Variants in CDH23 observed in about 807,000 individuals in gnomAD.
The protein encoded by CDH23 is cadherin-23.
A neutral mutation model predicts 317.1 loss-of-function variants in CDH23; 189 were observed. That is an observed-to-expected ratio of 0.60 (90% CI 0.53 to 0.67). The LOEUF is 0.67. CDH23 is among the 30% of genes least tolerant of loss of function. The pLI is 0.00. For synonymous variants in CDH23, 1,839 were observed against 1,876.8 expected, an observed-to-expected ratio of 0.98 and a Z score of 0.52; for missense variants, 4,401 against 4,592.4, an observed-to-expected ratio of 0.96 and a Z score of 1.20.
intron 38 of CDH23, among the ~76,000 whole-genome samples, chr10:71,774,123 C>A (rs1357919410): frequency 6.6e-6 from 1 of 152,006 alleles, no homozygotes; most frequent in African/African-American, 2.4e-5. Context: ...AAGATCAGCA[C>A]ATCCCTACCC....
intron 1 of CDH23, among the ~76,000 whole-genome samples, chr10:71,413,156 A>G (rs1848407687): frequency 6.6e-6 from 1 of 152,148 alleles, no homozygotes; most frequent in Non-Finnish European, 1.5e-5. Context: ...ATTTTTGTAT[A>G]TGGTATAAGA....
Position 71,706,920 on chromosome 10 carries a change from C to A in CDH23, c.2977C>A (p.Pro993Thr), listed in dbSNP as rs766567246. ...AGTGCTGGATGTGAACGACGAGACG[C>A]CCACCTTCTTCCCGGCCGTGTACAA... ...IHVLDVNDETPTFFPAVYNVS... is the reference protein window; with the variant it reads ...IHVLDVNDETTTFFPAVYNVS... Residue 993 changes from proline to threonine, a missense_variant, in exon 26 of 70, where the codon CCC (proline) becomes ACC (threonine). Around this residue, in one of 3 missense-constraint regions of CDH23, gnomAD observed 3,068 missense variants for 3,203.3 expected, o/e 0.96. Coordinates refer to ENST00000224721, the MANE Select transcript of CDH23 (RefSeq NM_022124.6). 1 of 1,604,566 alleles carries A rather than the reference C, an allele frequency of 6.2e-7. No homozygotes were observed. The highest frequency in any genetic ancestry group is 2.3e-5 in the East Asian group (1 of 44,378).
At chr10:71,559,154 C>T (rs373182792) in intron 6 of CDH23, among the ~76,000 whole-genome samples, 20 of 152,304 alleles carry the variant, frequency 1.3e-4, no homozygotes, top group African/African-American at 2.2e-4. Flanking sequence ...TCAGCTCACC[C>T]GTCTCCTAAG....
At chr10:71,788,464 C>CT (rs540868938) in intron 44 of CDH23, among the ~76,000 whole-genome samples, 50 of 150,602 alleles carry the variant, frequency 3.3e-4, no homozygotes, top group Non-Finnish European at 5.2e-4. Context: ...TTCTTTTTTT[C>CT]TTTTTTTTTG....
At chr10:71,531,424 T>C (rs1336248258) in intron 6 of CDH23, among the ~76,000 whole-genome samples, 2 of 152,200 alleles carry the variant, frequency 1.3e-5, no homozygotes, top group South Asian at 2.1e-4. Context: ...TCTAAAAATA[T>C]TGTATTTTCC....
rs10999934 is a variant in CDH23, at chr10:71,654,731, T to G, written c.1449+8114T>G. On this transcript the variant is annotated intron_variant, in intron 14 of 69. Transcript: ENST00000224721. ...CCGGACTGTGGCCCAAGCACCCACATGTAGCCTCCCCACGTGTCCGGACAT... is the reference window on the plus strand; with the variant it reads ...CCGGACTGTGGCCCAAGCACCCACAGGTAGCCTCCCCACGTGTCCGGACAT... Among the ~76,000 whole-genome samples, 607 of 152,228 alleles carry G rather than the reference T, an allele frequency of 4.0e-3. 2 individuals carry two copies. Among genetic ancestry groups the G allele is most frequent in the Non-Finnish European group, 5.5e-3 (372 of 67,994 alleles).
rs73277827 is a variant in CDH23, at chr10:71,779,210, G to A, written c.5188-57G>A. The A allele has an allele frequency of 4.2e-3, 6,362 of 1,530,134 alleles. 206 individuals carry two copies. The African/African-American group carries it at 0.074, about 18-fold the overall frequency. The allele number at this position is 1,530,134 out of a possible 1,614,324, so 94.8% of individuals were successfully genotyped here. A position where few individuals can be genotyped will look rare whatever the true frequency, so the allele number is the denominator to read the frequency against. The stretch of plus-strand genomic sequence containing the variant: ...TCCATTTCACAGAGGAAGGAACTGA[G>A]GCCCAGCACAAAGCTGGCTGGGGTG... On this transcript the variant is annotated intron_variant, in intron 40 of 69. Transcript: ENST00000224721.
intron 22 of CDH23, among the ~76,000 whole-genome samples, chr10:71,700,203 A>G (rs1223460028): frequency 6.6e-6 from 1 of 152,184 alleles, no homozygotes. Context: ...CCTGGCCAAC[A>G]TGGTAAAACC....
rs62622410 is a variant in CDH23 at position 71,646,591 on chromosome 10, G to A, written c.1423G>A (p.Val475Met). ...YNISLYENVT[V>M]GTSVLTVLAT... ...CATCAGCCTGTACGAGAACGTCACC[G>A]TGGGGACCTCTGTGCTGACAGTCCT... is the stretch of plus-strand genomic sequence containing the variant. Residue 475 changes from valine to methionine, a missense_variant, in exon 14 of 70, where the codon GTG becomes ATG. Val to Met is a conservative substitution (Grantham distance 21). This residue lies in a region of CDH23 where 3,068 missense variants were observed against 3,203.3 expected (regional missense o/e 0.96). Coordinates refer to ENST00000224721, the MANE Select transcript of CDH23 (RefSeq NM_022124.6). 2.2e-3 allele frequency: 3,605 copies of A among 1,613,968 alleles called. 72 individuals carry two copies. The African/African-American group carries it at 0.04, about 18-fold the overall frequency.
At chr10:71,547,356 C>T (rs1040494948) in intron 6 of CDH23, among the ~76,000 whole-genome samples, 5 of 152,134 alleles carry the variant, frequency 3.3e-5, no homozygotes, top group African/African-American at 9.7e-5. Context: ...CTGGAGGCAG[C>T]GCAACACCCA....
intron 10 of CDH23, 149 bp downstream of exon 10, chr10:71,615,765 G>T (rs1163569905): frequency 3.2e-6 from 2 of 627,650 alleles, no homozygotes; most frequent in Admixed American, 2.7e-5. Context: ...GCCTCCCGGG[G>T]CTGTGCCCAG....
intron 6 of CDH23, among the ~76,000 whole-genome samples, chr10:71,514,122 A>G (rs778113617): frequency 6.6e-5 from 10 of 152,022 alleles, no homozygotes; most frequent in Non-Finnish European, 1.3e-4. Flanking sequence ...GAGTTATGCA[A>G]GCAGAAGTAG....
Position 71,803,392 on chromosome 10 carries a change from C to T in CDH23, c.7844C>T (p.Pro2615Leu). Residue 2615 changes from proline (P) to leucine (L), a missense_variant, in exon 55 of 70, where the codon CCC (proline) becomes CTC (leucine). This residue lies in a region of CDH23 where 1,144 missense variants were observed against 1,138.2 expected (regional missense o/e 1.01). Transcript: ENST00000224721. Reference protein sequence around the residue: ...NDNRPVFVRPPNGTILHIREE... With the variant: ...NDNRPVFVRPLNGTILHIREE... The stretch of plus-strand genomic sequence containing the variant: ...AACCGCCCTGTCTTTGTGCGCCCAC[C>T]CAACGGCACCATCCTCCACATCAGA... The T allele has an allele frequency of 1.9e-6, 3 of 1,597,426 alleles. No homozygotes were observed. The highest frequency in any genetic ancestry group is 2.3e-5 in the South Asian group (2 of 87,884).
Position 71,480,145 on chromosome 10 carries a change from T to G in CDH23, c.146-29937T>G, listed in dbSNP as rs181323476. 3.2e-3 allele frequency among the ~76,000 whole-genome samples: 490 copies of G among 152,308 alleles called. 3 individuals are homozygous for G. The highest frequency in any genetic ancestry group is 7.3e-3 in the Admixed American group (112 of 15,298). On this transcript the variant is annotated intron_variant, in intron 3 of 69. Transcript: ENST00000224721. ...AGGTGACACAGGTCATTTCCTCCTG[T>G]GGCCCATTGGCCAGACCTAGTGCAT...
Position 71,784,290 on chromosome 10 carries a change from A to T in CDH23, c.5372A>T (p.Glu1791Val), listed in dbSNP as rs1841037418. Residue 1791 changes from glutamate (E) to valine (V), a missense_variant, in exon 42 of 70, where the codon GAG becomes GTG. Glu to Val is a moderately radical substitution (Grantham distance 121). Transcript: ENST00000224721. ...GGCCTCTCCTGGTGACACCCAGGGG[A>T]GTTTGTGATCTCTCCTGTGGAGGGG... The part of the protein sequence containing the change: ...YSIMDGDPLG[E>V]FVISPVEGVL... The T allele has an allele frequency of 1.2e-6, 2 of 1,612,692 alleles. No homozygotes were observed. Among genetic ancestry groups the T allele is most frequent in the Non-Finnish European group, 1.7e-6 (2 of 1,179,124 alleles).
At chr10:71,467,739 G>A (rs541676253) in intron 3 of CDH23, among the ~76,000 whole-genome samples, 9 of 152,286 alleles carry the variant, frequency 5.9e-5, no homozygotes, top group South Asian at 2.1e-4. Flanking sequence ...AACTTAGTGC[G>A]TGTAAAAAGC....
At chr10:71,797,298 G>A (rs1388721368) in intron 49 of CDH23, 78 bp downstream of exon 49, 1 of 989,124 alleles carries the variant, frequency 1.0e-6, no homozygotes, top group Non-Finnish European at 1.6e-6. Context: ...ACAGGCACTG[G>A]TCTGTCCCCA....
At chr10:71,734,513 G>A in intron 33 of CDH23, 143 bp from the exon 34 acceptor site, 2 of 1,590,740 alleles carry the variant, frequency 1.3e-6, no homozygotes, top group Middle Eastern at 1.7e-4. Flanking sequence ...AGCAGGTTGG[G>A]CTAGGATGAG....
Position 71,510,216 on chromosome 10 carries a change from G to A in CDH23, c.280G>A (p.Asp94Asn). The change falls in exon 4 of 70, where the codon GAC (aspartate) becomes AAC (asparagine). Residue 94 changes from aspartate (D) to asparagine (N), a missense_variant. Transcript: ENST00000224721. ...CGTGGTGTGGCTCCGGCAGCCACTG[G>A]ACAGAGAGGTATGACTTGCCCATAC... is the stretch of plus-strand genomic sequence containing the variant. ...TGVVWLRQPL[D>N]RETKSEFTVE... The A allele has an allele frequency of 6.2e-7, 1 of 1,613,604 alleles. No individual in the cohort carries two copies. Among genetic ancestry groups the A allele is most frequent in the Non-Finnish European group, 8.5e-7 (1 of 1,179,842 alleles).
Sources: allele counts gnomAD v4.1 joint callset (sites outside exome capture counted in the v4.1 genomes callset), GRCh38; gene constraint gnomAD v4.1.1; regional missense constraint gnomAD v4.1.1; transcripts MANE v1.5; gene names NCBI Gene and HGNC (gene_info 2026-07-23, HGNC 2026-07-21).